The following GPR141 variants were observed in gnomAD, a reference collection of about 807,000 sequenced individuals.
The protein encoded by GPR141 is G protein-coupled receptor 141, also known as probable G protein-coupled receptor 141.
A neutral mutation model predicts 6.8 loss-of-function variants in GPR141; 6 were observed. That is an observed-to-expected ratio of 0.88 (90% confidence interval 0.48 to 1.74). The LOEUF (loss-of-function observed/expected upper bound fraction) is 1.74. Among genes scored for constraint, GPR141 ranks in the 40% most tolerant of loss-of-function variants. The pLI is 0.01. For synonymous variants in GPR141, 140 were observed against 142.3 expected (o/e 0.98, Z 0.11); for missense variants, 372 against 372.9 (o/e 1.00, Z 0.02).
chr7:37,716,185 C>T (rs892727685), intron 2 of GPR141, among the ~76,000 whole-genome samples: 2 of 152,096 alleles, frequency 1.3e-5, no homozygotes, highest in South Asian at 2.1e-4. Flanking sequence ...CTAGAGAGCA[C>T]GCTTGCTAAG....
chr7:37,730,271 T>G (rs1811857963), intron 2 of GPR141, among the ~76,000 whole-genome samples: 1 of 152,226 alleles, frequency 6.6e-6, no homozygotes, highest in Admixed American at 6.5e-5. Flanking sequence ...TTCCAAATTC[T>G]GAGCTACGGC....
At chr7:37,736,241 G>A (rs1480278893) in intron 2 of GPR141, among the ~76,000 whole-genome samples, 2 of 151,312 alleles carry the variant, frequency 1.3e-5, no homozygotes, top group Non-Finnish European at 2.9e-5. Context: ...GACAGAGCAA[G>A]ACTCTTTAAA....
chr7:37,691,751 GT>G (rs1188274786), intron 2 of GPR141, among the ~76,000 whole-genome samples: 2 of 152,100 alleles, frequency 1.3e-5, no homozygotes, highest in African/African-American at 4.8e-5. Flanking sequence ...TGGGAAAGAT[GT>G]TTTTATCTCC....
At chr7:37,712,309 G>A (rs1810837372) in intron 2 of GPR141, among the ~76,000 whole-genome samples, 1 of 152,122 alleles carries the variant, frequency 6.6e-6, no homozygotes, top group Non-Finnish European at 1.5e-5. Context: ...ATATCTCCTG[G>A]GCTGGCCTGA....
At chr7:37,708,920 T>A (rs1029358081) in intron 2 of GPR141, among the ~76,000 whole-genome samples, 1 of 152,216 alleles carries the variant, frequency 6.6e-6, no homozygotes. Flanking sequence ...GGTTTTTTCA[T>A]ATGTAATATC....
At chr7:37,714,179 C>T (rs965156485) in intron 2 of GPR141, among the ~76,000 whole-genome samples, 2 of 152,018 alleles carry the variant, frequency 1.3e-5, no homozygotes, top group African/African-American at 2.4e-5. Context: ...TGTGGAAACA[C>T]GTGTTATTAT....
At chr7:37,719,108 A>C (rs975762949) in intron 2 of GPR141, among the ~76,000 whole-genome samples, 5 of 152,174 alleles carry the variant, frequency 3.3e-5, no homozygotes, top group Admixed American at 6.5e-5. Flanking sequence ...GCCAGTTTAT[A>C]CTTAAAAATG....
intron 2 of GPR141, among the ~76,000 whole-genome samples, chr7:37,721,551 T>G (rs1290236145): frequency 1.3e-5 from 2 of 152,232 alleles, no homozygotes; most frequent in Admixed American, 1.3e-4. Flanking sequence ...GGTGGTGTGG[T>G]GTTTTCCATC....
chr7:37,715,599 G>T (rs1169128597), intron 2 of GPR141, among the ~76,000 whole-genome samples: 1 of 152,154 alleles, frequency 6.6e-6, no homozygotes, highest in Non-Finnish European at 1.5e-5. Context: ...AGAAACAATG[G>T]CATTTTGATA....
At chr7:37,686,648 A>G (rs1277844733) in intron 2 of GPR141, among the ~76,000 whole-genome samples, 2 of 152,076 alleles carry the variant, frequency 1.3e-5, no homozygotes, top group African/African-American at 2.4e-5. Flanking sequence ...TGATGAAGGT[A>G]TTATCATGGA....
intron 2 of GPR141, among the ~76,000 whole-genome samples, chr7:37,738,085 T>A (rs1454180613): frequency 6.6e-6 from 1 of 152,240 alleles, no homozygotes; most frequent in Non-Finnish European, 1.5e-5. Context: ...CGGGAGTGTA[T>A]GTGTGCTTTG....
intron 2 of GPR141, among the ~76,000 whole-genome samples, chr7:37,711,116 G>A (rs567237522): frequency 7.9e-5 from 12 of 152,312 alleles, no homozygotes; most frequent in African/African-American, 2.9e-4. Context: ...TCATTTTGTA[G>A]AGAGATACAC....
chr7:37,700,768 A>G (rs1465703913), intron 2 of GPR141, among the ~76,000 whole-genome samples: 1 of 152,204 alleles, frequency 6.6e-6, no homozygotes, highest in Non-Finnish European at 1.5e-5. Flanking sequence ...ATTTCTATGG[A>G]TAAATATGGA....
chr7:37,730,359 A>G (rs1297088192), intron 2 of GPR141, among the ~76,000 whole-genome samples: 1 of 152,190 alleles, frequency 6.6e-6, no homozygotes, highest in Non-Finnish European at 1.5e-5. Context: ...CAAACAGTCT[A>G]TCCTGGGCAC....
rs373154088 is a variant in GPR141, at chr7:37,741,269, G to A, written c.876G>A (p.Lys292=). The part of the protein sequence containing the change: ...LFVFGGSHWF[K]QKIIGLWNCV... ...TCTTTGGGGGAAGCCATTGGTTTAA[G>A]CAAAAGATAATTGGCTTATGGAATT... Residue 292 remains lysine (K), a synonymous_variant, in exon 3 of 3, where the codon AAG becomes AAA. Transcript: ENST00000334425. The A allele has an allele frequency of 5.5e-5, 89 of 1,603,694 alleles. No individual in the cohort carries two copies. The African/African-American group carries it at 6.8e-4, about 12-fold the overall frequency.
In GPR141 at chr7:37,706,274, A is replaced by C. The variant is rs903532891; in HGVS notation, c.-15+20691A>C. Reference sequence around the variant, plus strand: ...TGCATAGAAGGGACAAGATGGTGCAAGTCTGTCAATAGATTGAGAAATACT... The same window carrying C: ...TGCATAGAAGGGACAAGATGGTGCACGTCTGTCAATAGATTGAGAAATACT... On this transcript the variant is annotated intron_variant, in intron 2 of 2. Transcript: ENST00000334425. Among the ~76,000 whole-genome samples the C allele has an allele frequency of 3.3e-5, 5 of 152,224 alleles. 1 individual carries two copies. The highest frequency in any genetic ancestry group is 7.3e-5 in the Non-Finnish European group (5 of 68,036).
intron 2 of GPR141, among the ~76,000 whole-genome samples, chr7:37,695,354 A>ACACTGTGTCCACTCCT (rs1291523443): frequency 6.6e-6 from 1 of 152,172 alleles, no homozygotes; most frequent in Non-Finnish European, 1.5e-5. Flanking sequence ...TGGGGGTGGG[A>ACACTGTGTCCACTCCT]CACTGTGTCC....
intron 2 of GPR141, among the ~76,000 whole-genome samples, chr7:37,704,070 A>G (rs1299388688): frequency 1.3e-5 from 2 of 152,166 alleles, no homozygotes; most frequent in Non-Finnish European, 2.9e-5. Context: ...AATTTTCAAC[A>G]TGGGATTTTT....
intron 2 of GPR141, among the ~76,000 whole-genome samples, chr7:37,688,325 AG>A (rs1809604330): frequency 6.6e-6 from 1 of 152,116 alleles, no homozygotes; most frequent in Non-Finnish European, 1.5e-5. Context: ...CCAGCTACTC[AG>A]GGGGCTGAGG....
Sources: gnomAD v4.1 joint callset for allele counts (sites outside exome capture counted in the v4.1 genomes callset) on GRCh38, gnomAD v4.1.1 for gene constraint, MANE v1.5 for transcripts, NCBI Gene and HGNC (gene_info 2026-07-23, HGNC 2026-07-21) for gene names.